KIRREL3: variants seen among roughly 807,000 people sequenced by gnomAD.
KIRREL3 encodes kirre like nephrin family adhesion molecule 3.
Under a neutral mutation model 89.7 loss-of-function variants are expected in KIRREL3, and 36 were observed. The observed-to-expected ratio is 0.40, with a 90% confidence interval of 0.31 to 0.53. The LOEUF is 0.53. Ranked by LOEUF, KIRREL3 falls within the 20% of genes least tolerant of loss-of-function variation. KIRREL3 has a pLI of 0.49. For missense variants in KIRREL3, 864 were observed against 1,056.6 expected, an observed-to-expected ratio of 0.82 and a Z score of 2.53; for synonymous variants, 445 against 441.4, an observed-to-expected ratio of 1.01 and a Z score of -0.10.
In KIRREL3 at chr11:126,931,830, C is replaced by T. The variant is rs528014816; in HGVS notation, c.55+68625G>A. Among the ~76,000 whole-genome samples the T allele has an allele frequency of 2.6e-5, 4 of 152,216 alleles. No individual in the cohort carries two copies. The highest frequency in any genetic ancestry group is 2.1e-4 in the South Asian group (1 of 4,818). On this transcript the variant is annotated intron_variant, in intron 1 of 16. Transcript: ENST00000525144. The surrounding 1 kb of genome is among the most constrained non-coding windows in gnomAD (Gnocchi z 5.1). ...TGCTAGTAACTGAGGGCTGCCAGCA[C>T]CCAGGGAGCCCCAGGACACGTGTTG...
chr11:126,794,202 T>C (rs1036572872), intron 1 of KIRREL3, among the ~76,000 whole-genome samples: 3 of 152,272 alleles, frequency 2.0e-5, no homozygotes, highest in African/African-American at 7.2e-5. Context: ...AAATATTAAG[T>C]GTCAAATTTC....
chr11:126,433,681 C>T (rs1012170555), intron 13 of KIRREL3, among the ~76,000 whole-genome samples: 6 of 152,240 alleles, frequency 3.9e-5, no homozygotes, highest in African/African-American at 1.4e-4. Flanking sequence ...CAATAGACGA[C>T]AACGTCTCTA....
intron 1 of KIRREL3, among the ~76,000 whole-genome samples, chr11:126,577,936 C>T (rs1303545661): frequency 3.9e-5 from 6 of 152,122 alleles, no homozygotes; most frequent in South Asian, 2.1e-4. Flanking sequence ...CTAAAGGATT[C>T]CCCCTTTAGC....
intron 4 of KIRREL3, among the ~76,000 whole-genome samples, chr11:126,509,704 A>T (rs1193315412): frequency 2.6e-5 from 4 of 152,156 alleles, no homozygotes; most frequent in Non-Finnish European, 5.9e-5. Context: ...ATATCTCAGC[A>T]CTCAAATTGG....
rs1048788683 is a variant in KIRREL3 at position 126,520,043 on chromosome 11, C to G, written c.433+1272G>C. The stretch of plus-strand genomic sequence containing the variant: ...TGAGGCTGGCCCCAAGTCCCTCCCC[C>G]GCATCTCAAGAAGTCAAGCTCCGAG... On this transcript the variant is annotated intron_variant, in intron 4 of 16. Coordinates refer to ENST00000525144, the MANE Select transcript of KIRREL3 (RefSeq NM_032531.4). This position sits in a 1 kb window ranked among gnomAD's most constrained non-coding sequence, Gnocchi z 4.9. Among the ~76,000 whole-genome samples the G allele has an allele frequency of 1.3e-5, 2 of 152,172 alleles. No homozygotes were observed. The highest frequency in any genetic ancestry group is 2.1e-4 in the South Asian group (1 of 4,822).
At chr11:126,759,958 C>T (rs1949618682) in intron 1 of KIRREL3, among the ~76,000 whole-genome samples, 1 of 152,122 alleles carries the variant, frequency 6.6e-6, no homozygotes, top group Admixed American at 6.5e-5. Flanking sequence ...TTAACACAGA[C>T]ATCCCATGCC....
intron 1 of KIRREL3, among the ~76,000 whole-genome samples, chr11:126,921,584 AT>A (rs1466703552): frequency 6.7e-5 from 1 of 14,920 alleles, no homozygotes; most frequent in Non-Finnish European, 1.3e-4. Flanking sequence ...TCTGTCTTCT[AT>A]CTATCTATCT....
Position 126,844,821 on chromosome 11 carries a change from C to T in KIRREL3, c.55+155634G>A, listed in dbSNP as rs1303518611. Among the ~76,000 whole-genome samples the T allele has an allele frequency of 6.6e-6, 1 of 152,038 alleles. No individual in the cohort carries two copies. Among genetic ancestry groups the T allele is most frequent in the Non-Finnish European group, 1.5e-5 (1 of 68,004 alleles). ...GATCTTGGGACATGGGGAGCTTTTTCCTCCCTAAAAAAGGGAAACTTGAGA... is the reference window on the plus strand; with the variant it reads ...GATCTTGGGACATGGGGAGCTTTTTTCTCCCTAAAAAAGGGAAACTTGAGA... On this transcript the variant is annotated intron_variant, in intron 1 of 16. Coordinates refer to ENST00000525144, the MANE Select transcript of KIRREL3 (RefSeq NM_032531.4). This position sits in a 1 kb window ranked among gnomAD's most constrained non-coding sequence, Gnocchi z 4.8.
Position 126,441,510 on chromosome 11 carries a change from G to A in KIRREL3, c.1253-961C>T, listed in dbSNP as rs1461899611. 6.6e-6 allele frequency among the ~76,000 whole-genome samples: 1 copy of A among 152,230 alleles called. No homozygotes were observed. On this transcript the variant is annotated intron_variant, in intron 10 of 16. Transcript: ENST00000525144. This position sits in a 1 kb window ranked among gnomAD's most constrained non-coding sequence, Gnocchi z 5.0. ...TTCCTGGCTGGGCTGGGTGGTTGAA[G>A]GATGGGAGTAGGGACGGAAACTGTC...
At chr11:126,848,422 AGTT>A (rs1565348758) in intron 1 of KIRREL3, among the ~76,000 whole-genome samples, 1 of 152,128 alleles carries the variant, frequency 6.6e-6, no homozygotes. Flanking sequence ...CAGTCTCATC[AGTT>A]GTTTGTTTTT....
chr11:126,971,543 A>G (rs964115646), intron 1 of KIRREL3, among the ~76,000 whole-genome samples: 6 of 152,142 alleles, frequency 3.9e-5, no homozygotes, highest in Non-Finnish European at 5.9e-5. Flanking sequence ...TAAAAATATG[A>G]TCACATTACA....
chr11:126,451,375 A>C (rs913287278), intron 7 of KIRREL3, among the ~76,000 whole-genome samples: 9 of 54,138 alleles, frequency 1.7e-4, no homozygotes, highest in African/African-American at 8.2e-4. Flanking sequence ...ACTATGTGTG[A>C]GCGTGTGCAT....
chr11:126,613,512 C>T (rs562143459), intron 1 of KIRREL3, among the ~76,000 whole-genome samples: 2 of 152,270 alleles, frequency 1.3e-5, no homozygotes, highest in African/African-American at 4.8e-5. Flanking sequence ...TGCTTGGACA[C>T]GTGCTTTCCC....
chr11:126,901,748 G>A (rs374578849), intron 1 of KIRREL3, among the ~76,000 whole-genome samples: 2 of 152,204 alleles, frequency 1.3e-5, no homozygotes, highest in African/African-American at 2.4e-5. Context: ...GACTGTATGT[G>A]TTTTAAGGGC....
chr11:126,621,680 C>T (rs777635665), intron 1 of KIRREL3, among the ~76,000 whole-genome samples: 4 of 151,972 alleles, frequency 2.6e-5, no homozygotes, highest in Non-Finnish European at 4.4e-5. Flanking sequence ...CATTATTTAC[C>T]AAGTGATTAA....
chr11:126,525,118 T>G lies in KIRREL3; in HGVS notation c.283+1420A>C, dbSNP rs1958708766. On this transcript the variant is annotated intron_variant, in intron 3 of 16. Transcript: ENST00000525144. The surrounding 1 kb of genome is among the most constrained non-coding windows in gnomAD (Gnocchi z 5.4). ...TGGATGCTAGAGGGTCAGTTATCCA[T>G]GCTGAGATGACCACCGTATGCACTA... Among the ~76,000 whole-genome samples, 1 of 152,156 alleles carries G rather than the reference T, an allele frequency of 6.6e-6. No homozygotes were observed.
At chr11:126,934,547 C>T (rs2135073236) in intron 1 of KIRREL3, among the ~76,000 whole-genome samples, 1 of 152,146 alleles carries the variant, frequency 6.6e-6, no homozygotes, top group South Asian at 2.1e-4. Context: ...GAATCATATA[C>T]TTGATAAATA....
At chr11:126,452,423 G>A (rs1164511534) in intron 7 of KIRREL3, among the ~76,000 whole-genome samples, 1 of 152,240 alleles carries the variant, frequency 6.6e-6, no homozygotes, top group Admixed American at 6.5e-5. Flanking sequence ...GGGCCAGGTG[G>A]TGGATGCAGC....
chr11:126,589,374 G>A (rs961708360), intron 1 of KIRREL3, among the ~76,000 whole-genome samples: 5 of 152,310 alleles, frequency 3.3e-5, no homozygotes, highest in Admixed American at 6.5e-5. Flanking sequence ...AGCTTTGTCC[G>A]GGAACTGTGC....
Sources: gnomAD v4.1 joint callset for allele counts (sites outside exome capture counted in the v4.1 genomes callset) on GRCh38, gnomAD v4.1.1 for gene constraint, Gnocchi (gnomAD v3.1) non-coding constraint, MANE v1.5 for transcripts, NCBI Gene and HGNC (gene_info 2026-07-23, HGNC 2026-07-21) for gene names.